SLC27A1: variants seen among roughly 807,000 people sequenced by gnomAD.
SLC27A1 encodes the protein solute carrier family 27 member 1, also known as long-chain fatty acid transport protein 1.
Under a neutral mutation model 62.2 loss-of-function variants are expected in SLC27A1, and 61 were observed. That is an observed-to-expected ratio of 0.98 (90% CI 0.80 to 1.21). SLC27A1 has a LOEUF of 1.21. Ranked by LOEUF, SLC27A1 falls within the 50% of genes most tolerant of loss-of-function variation. SLC27A1 has a pLI of 0.00. For missense variants in SLC27A1, 903 were observed against 932.1 expected, an observed-to-expected ratio of 0.97 and a Z score of 0.41; for synonymous variants, 435 against 408.6, an observed-to-expected ratio of 1.06 and a Z score of -0.78.
rs1418874235 is a variant in SLC27A1, at chr19:17,477,243, T to C, written c.167+6536T>C. ...TTGGTTGAATGGATGAGCAGCGCTT[T>C]TTTTTTTTTTTTTTTTTTTTTGAGA... is the stretch of plus-strand genomic sequence containing the variant. On this transcript the variant is annotated intron_variant, in intron 1 of 11. Transcript: ENST00000252595. 2.2e-3 allele frequency among the ~76,000 whole-genome samples: 150 copies of C among 69,014 alleles called. 1 individual carries two copies. Among genetic ancestry groups the C allele is most frequent in the African/African-American group, 5.1e-3 (133 of 25,916 alleles). 45.3% of individuals were successfully genotyped at this position (69,014 alleles called of 152,430 possible).
At chr19:17,503,019 C>G (rs547947804) in intron 11 of SLC27A1, among the ~76,000 whole-genome samples, 1 of 152,266 alleles carries the variant, frequency 6.6e-6, no homozygotes, top group Admixed American at 6.5e-5. Context: ...GAAGGAAAAG[C>G]AAAGGGACTT....
rs1196219802 is a variant in SLC27A1 at position 17,504,750 on chromosome 19, G to C, written c.*138G>C. The C allele has an allele frequency of 2.6e-6, 3 of 1,167,592 alleles. No homozygotes were observed. The highest frequency in any genetic ancestry group is 1.3e-5 in the South Asian group (1 of 76,922). 72.3% of individuals were successfully genotyped at this position (1,167,592 alleles called of 1,614,324 possible). On this transcript the variant is annotated 3_prime_UTR_variant, in exon 12 of 12. Transcript: ENST00000252595. ...CCTGGCACGGCCCATCCTGGACTGA[G>C]AAACTGGAACCTCAGAGGAACCCGT...
In SLC27A1 at chr19:17,505,985, C is replaced by T. The variant is rs2075476286; in HGVS notation, c.*1373C>T. The stretch of plus-strand genomic sequence containing the variant: ...TCGCTGGTGGCTCATCTCGAACATC[C>T]ACGCCAGCCTTTCTGGGGCCGGCCA... On this transcript the variant is annotated 3_prime_UTR_variant, in exon 12 of 12. Transcript: ENST00000252595. The T allele has an allele frequency of 2.6e-5, 4 of 152,308 alleles. No homozygotes were observed. Among genetic ancestry groups the T allele is most frequent in the African/African-American group, 7.2e-5 (3 of 41,460 alleles). 9.4% of individuals were successfully genotyped at this position (152,308 alleles called of 1,614,324 possible).
chr19:17,500,975 C>G (rs940845100), intron 10 of SLC27A1, 99 bp downstream of exon 10: 3 of 1,321,696 alleles, frequency 2.3e-6, no homozygotes, highest in Non-Finnish European at 3.0e-6. Context: ...AGTGCACAAC[C>G]TGGACAACTG....
upstream of SLC27A1, among the ~76,000 whole-genome samples, chr19:17,469,163 T>TG (rs1179977567): frequency 2.6e-5 from 4 of 152,072 alleles, no homozygotes; most frequent in Non-Finnish European, 4.4e-5. Context: ...CCTGGGATCC[T>TG]GGGGTGTGAC....
rs1568420369 is a variant in SLC27A1, at chr19:17,494,320, G to GA, written c.997-2935_997-2934insA. Among the ~76,000 whole-genome samples the GA allele has an allele frequency of 4.8e-3, 718 of 149,706 alleles. 9 individuals are homozygous for GA. Among genetic ancestry groups the GA allele is most frequent in the African/African-American group, 0.017 (680 of 40,214 alleles). ...TTACAGGCGTGAGCCACCGTGCCTGGCCTTTTTCTTTTTCTTTTTCTTTTT... is the reference window on the plus strand; with the variant it reads ...TTACAGGCGTGAGCCACCGTGCCTGGACCTTTTTCTTTTTCTTTTTCTTTTT... On this transcript the variant is annotated intron_variant, in intron 6 of 11. Transcript: ENST00000252595.
chr19:17,470,798 G>C (rs2075068655), intron 1 of SLC27A1, 91 bp downstream of exon 1: 3 of 1,258,456 alleles, frequency 2.4e-6, no homozygotes, highest in South Asian at 3.4e-5. Flanking sequence ...GGACGGCTTG[G>C]AGGGTCCGGA....
chr19:17,502,757 C>T (rs1431272626), intron 11 of SLC27A1, among the ~76,000 whole-genome samples: 1 of 152,016 alleles, frequency 6.6e-6, no homozygotes, highest in Admixed American at 6.6e-5. Context: ...ACTATCATAG[C>T]TCACTGCAGC....
intron 7 of SLC27A1, 34 bp from the exon 8 acceptor site, chr19:17,500,244 C>T (rs751359594): frequency 6.2e-7 from 1 of 1,606,104 alleles, no homozygotes; most frequent in Admixed American, 1.7e-5. Flanking sequence ...CCGCATATCC[C>T]CGGCTCCTTC....
chr19:17,494,303 G>A (rs2075326048), intron 6 of SLC27A1, among the ~76,000 whole-genome samples: 1 of 151,494 alleles, frequency 6.6e-6, no homozygotes, highest in African/African-American at 2.4e-5. Context: ...GATTACAGGC[G>A]TGAGCCACCG....
Position 17,500,633 on chromosome 19 carries a change from G to A in SLC27A1, c.1471+1G>A, listed in dbSNP as rs754290361. ...AAGGGCGACAGCGCCTACCTCTCAG[G>A]TGCGCAGCCTGCTAGGCCCCGGTGA... On this transcript the variant is annotated splice_donor_variant, in intron 9 of 11. Transcript: ENST00000252595. LOFTEE classifies it high-confidence loss of function. 15 of 1,613,864 alleles carry A rather than the reference G, an allele frequency of 9.3e-6. No individual in the cohort carries two copies. Among genetic ancestry groups the A allele is most frequent in the South Asian group, 4.4e-5 (4 of 91,082 alleles).
intron 1 of SLC27A1, among the ~76,000 whole-genome samples, chr19:17,480,541 C>CTTTTTTTTT (rs3079223): frequency 9.8e-5 from 11 of 111,772 alleles, no homozygotes; most frequent in Non-Finnish European, 1.4e-4. Flanking sequence ...TAATTTTTTT[C>CTTTTTTTTT]TTTTTTTTTT....
chr19:17,488,639 C>T, intron 4 of SLC27A1: 1 of 600,102 alleles, frequency 1.7e-6, no homozygotes, highest in Non-Finnish European at 3.0e-6. Flanking sequence ...TACCATCAGC[C>T]CCTCTATGCC....
At chr19:17,501,864 C>T (rs2075418264) in intron 11 of SLC27A1, among the ~76,000 whole-genome samples, 1 of 148,418 alleles carries the variant, frequency 6.7e-6, no homozygotes, top group East Asian at 2.0e-4. Flanking sequence ...GTAATCTCCG[C>T]ACTTTGGGAG....
intron 4 of SLC27A1, among the ~76,000 whole-genome samples, chr19:17,488,115 T>A (rs1022360491): frequency 6.6e-6 from 1 of 152,142 alleles, no homozygotes; most frequent in Non-Finnish European, 1.5e-5. Flanking sequence ...CCCCAACACT[T>A]TGGGAGGCTG....
chr19:17,481,207 G>C (rs2075174651), intron 1 of SLC27A1, among the ~76,000 whole-genome samples: 1 of 151,954 alleles, frequency 6.6e-6, no homozygotes, highest in Non-Finnish European at 1.5e-5. Flanking sequence ...TTACAGGCGT[G>C]AGCCACTGGG....
chr19:17,490,679 A>G (rs1228951056), intron 6 of SLC27A1, among the ~76,000 whole-genome samples: 2 of 152,086 alleles, frequency 1.3e-5, no homozygotes, highest in African/African-American at 4.8e-5. Flanking sequence ...CCTTTGAAAG[A>G]TGAGTACTTG....
upstream of SLC27A1, among the ~76,000 whole-genome samples, chr19:17,470,255 GCCTGGCCAGGA>G (rs1157001695): frequency 6.6e-6 from 1 of 152,038 alleles, no homozygotes; most frequent in Non-Finnish European, 1.5e-5. Flanking sequence ...CGGGGGCGGA[GCCTGGCCAGGA>G]CCTGGCCAAT....
At chr19:17,490,766 G>A (rs1046129182) in intron 6 of SLC27A1, among the ~76,000 whole-genome samples, 1 of 152,034 alleles carries the variant, frequency 6.6e-6, no homozygotes, top group Non-Finnish European at 1.5e-5. Flanking sequence ...AGTGGCTCAC[G>A]CCTGTAATCC....
Sources: allele counts gnomAD v4.1 joint callset (sites outside exome capture counted in the v4.1 genomes callset), GRCh38; gene constraint gnomAD v4.1.1; transcripts MANE v1.5; gene names NCBI Gene and HGNC (gene_info 2026-07-23, HGNC 2026-07-21).